Variants in MOB4 observed in about 807,000 individuals in gnomAD.
MOB4 encodes MOB family member 4, phocein, also known as MOB-like protein phocein.
Under a neutral mutation model 32.2 loss-of-function variants are expected in MOB4, and 4 were observed. The ratio of observed to expected loss-of-function variants is 0.12; its 90% CI spans 0.06 to 0.28. The LOEUF (loss-of-function observed/expected upper bound fraction) is 0.28. MOB4 is among the 10% of genes least tolerant of loss of function. MOB4 has a pLI of 1.00. For synonymous variants in MOB4, 88 were observed against 88.1 expected (o/e 1.00, Z 0.01); for missense variants, 158 against 271.2 (o/e 0.58, Z 2.93).
intron 2 of MOB4, among the ~76,000 whole-genome samples, chr2:197,526,544 C>G (rs1218203134): frequency 6.6e-6 from 1 of 152,172 alleles, no homozygotes; most frequent in African/African-American, 2.4e-5. Context: ...TCTTGAACTC[C>G]AGACCTCGTG....
Position 197,550,527 on chromosome 2 carries a change from T to C in MOB4, c.559T>C (p.Leu187=). ...IFDEYENETF[L]CHRFTKFVMK... The stretch of plus-strand genomic sequence containing the variant: ...TTCCTCTCTACAGAATGAAACATTT[T>C]TGTGTCATCGGTTTACTAAGTTTGT... The change falls in exon 8 of 8, where the codon TTG becomes CTG. Residue 187 remains leucine (L), a synonymous_variant. Transcript: ENST00000323303. The C allele has an allele frequency of 1.3e-6, 2 of 1,599,274 alleles. No homozygotes were observed. The highest frequency in any genetic ancestry group is 1.3e-5 in the African/African-American group (1 of 74,258).
chr2:197,536,191 A>C (rs2086794978), intron 3 of MOB4, among the ~76,000 whole-genome samples: 3 of 151,810 alleles, frequency 2.0e-5, no homozygotes, highest in Admixed American at 1.3e-4. Context: ...ACATTTATTC[A>C]TTTGGGCCTT....
Position 197,550,386 on chromosome 2 carries a change from A to T in MOB4, c.546A>T (p.Glu182Asp). ...FHHRQIFDEYENETFLCHRFT... is the reference protein window; with the variant it reads ...FHHRQIFDEYDNETFLCHRFT... ...ATCGGCAGATATTTGATGAATATGA[A>T]GTAAGTATATTTCACTGATTATCTT... is the stretch of plus-strand genomic sequence containing the variant. The change falls in exon 7 of 8, where the codon GAA (glutamate) becomes GAT (aspartate). Residue 182 changes from glutamate to aspartate, a missense_variant and splice_region_variant. By Grantham distance (45) the Glu-to-Asp change is conservative (BLOSUM62 2). Coordinates refer to ENST00000323303, the MANE Select transcript of MOB4 (RefSeq NM_015387.5). 6.2e-7 allele frequency: 1 copy of T among 1,612,992 alleles called. No homozygotes were observed. The highest frequency in any genetic ancestry group is 8.5e-7 in the Non-Finnish European group (1 of 1,179,384).
chr2:197,528,092 G>C (rs2106112983), intron 2 of MOB4, among the ~76,000 whole-genome samples: 1 of 152,060 alleles, frequency 6.6e-6, no homozygotes, highest in South Asian at 2.1e-4. Context: ...ATATTTCTTA[G>C]TTCATTTTGA....
intron 3 of MOB4, among the ~76,000 whole-genome samples, chr2:197,539,098 G>A (rs2086852031): frequency 6.6e-6 from 1 of 151,708 alleles, no homozygotes; most frequent in Non-Finnish European, 1.5e-5. Flanking sequence ...TGTTAGCTTT[G>A]CATTGTTTTG....
At chr2:197,538,557 C>CT (rs1237849235) in intron 3 of MOB4, among the ~76,000 whole-genome samples, 2 of 152,138 alleles carry the variant, frequency 1.3e-5, no homozygotes, top group Non-Finnish European at 2.9e-5. Flanking sequence ...AAAAGTACTC[C>CT]TTTATGTCCG....
At chr2:197,537,882 C>T (rs542410606) in intron 3 of MOB4, among the ~76,000 whole-genome samples, 16 of 152,178 alleles carry the variant, frequency 1.1e-4, no homozygotes, top group South Asian at 2.1e-4. Context: ...TGGGTTCAAG[C>T]GATTCTCCTG....
Position 197,521,103 on chromosome 2 carries a change from A to G in MOB4, c.61-2521A>G, listed in dbSNP as rs544535610. Among the ~76,000 whole-genome samples the G allele has an allele frequency of 2.8e-3, 427 of 152,192 alleles. 3 individuals carry two copies. The highest frequency in any genetic ancestry group is 8.3e-3 in the South Asian group (40 of 4,818). ...GTAAATGGGGTATCCATCACCATAA[A>G]CATTTGTATCGGGGAACCTGCCCCG... On this transcript the variant is annotated intron_variant, in intron 1 of 7. Transcript: ENST00000323303.
chr2:197,544,623 T>G (rs989055147), intron 5 of MOB4, among the ~76,000 whole-genome samples: 7 of 151,890 alleles, frequency 4.6e-5, no homozygotes, highest in African/African-American at 1.7e-4. Context: ...CGCTGTGGCG[T>G]GTGCCTGTAG....
intron 2 of MOB4, chr2:197,533,722 C>CAAAAAAAA: frequency 2.2e-5 from 3 of 135,496 alleles, no homozygotes; most frequent in Non-Finnish European, 4.3e-5. Flanking sequence ...CAAAACTCCT[C>CAAAAAAAA]AAAAAAAAAA....
intron 1 of MOB4, among the ~76,000 whole-genome samples, chr2:197,521,399 G>A (rs1034376493): frequency 2.6e-5 from 4 of 152,188 alleles, no homozygotes; most frequent in Non-Finnish European, 4.4e-5. Context: ...GAGGCAGGGC[G>A]AGATCACAGG....
chr2:197,541,702 G>C (rs1268216776), intron 5 of MOB4, among the ~76,000 whole-genome samples: 1 of 152,020 alleles, frequency 6.6e-6, no homozygotes, highest in Non-Finnish European at 1.5e-5. Context: ...GGCGGATCAC[G>C]AGGTCAGGAG....
intron 1 of MOB4, among the ~76,000 whole-genome samples, chr2:197,517,157 C>T (rs1031344581): frequency 6.6e-6 from 1 of 152,264 alleles, no homozygotes; most frequent in East Asian, 1.9e-4. Flanking sequence ...GATTACCTCC[C>T]CAGATTCATG....
At chr2:197,532,787 A>G (rs2086729583) in intron 2 of MOB4, among the ~76,000 whole-genome samples, 1 of 152,092 alleles carries the variant, frequency 6.6e-6, no homozygotes, top group African/African-American at 2.4e-5. Context: ...TAAGTGTGAA[A>G]TAAATGCTAC....
intron 2 of MOB4, among the ~76,000 whole-genome samples, chr2:197,531,109 G>A (rs1402977098): frequency 1.3e-5 from 2 of 148,576 alleles, no homozygotes; most frequent in African/African-American, 5.0e-5. Context: ...GTGCAGTGGC[G>A]CGATCTCGGC....
intron 1 of MOB4, chr2:197,516,555 A>T (rs1403208411): frequency 1.6e-5 from 8 of 508,478 alleles, no homozygotes; most frequent in Non-Finnish European, 2.3e-5. Flanking sequence ...GGGGGTGTAA[A>T]CACAGCCTAC....
chr2:197,517,060 A>G (rs1188848861), intron 1 of MOB4, among the ~76,000 whole-genome samples: 1 of 152,198 alleles, frequency 6.6e-6, no homozygotes, highest in Non-Finnish European at 1.5e-5. Context: ...ACAATCGTGG[A>G]GCTATGATTG....
At chr2:197,515,683 A>C (rs925867024), upstream of MOB4, 4 of 202,122 alleles carry the variant, frequency 2.0e-5, no homozygotes, top group Non-Finnish European at 3.1e-5. Flanking sequence ...ATTTGCTTGC[A>C]GGTGGGTTTA....
At chr2:197,516,642 T>A (rs990800110) in intron 1 of MOB4, 11 of 472,066 alleles carry the variant, frequency 2.3e-5, no homozygotes, top group Middle Eastern at 3.2e-4. Context: ...TCTAGCCGGA[T>A]CCGGGTGCCG....
Sources: allele counts gnomAD v4.1 joint callset (sites outside exome capture counted in the v4.1 genomes callset), GRCh38; gene constraint gnomAD v4.1.1; transcripts MANE v1.5; gene names NCBI Gene and HGNC (gene_info 2026-07-23, HGNC 2026-07-21).